Variants in ATP6V1H observed in about 807,000 individuals in gnomAD.
ATP6V1H encodes V-type proton ATPase subunit H.
Under a neutral mutation model 71.7 loss-of-function variants are expected in ATP6V1H, and 39 were observed. The observed-to-expected ratio is 0.54, with a 90% CI of 0.42 to 0.71. The LOEUF is 0.71. Ranked by LOEUF, ATP6V1H falls within the 30% of genes least tolerant of loss-of-function variation. The pLI, the probability that ATP6V1H is intolerant of heterozygous loss-of-function variation, is 0.00. For missense variants in ATP6V1H, 509 were observed against 594.9 expected (o/e 0.86, Z 1.50); for synonymous variants, 192 against 199.3 (o/e 0.96, Z 0.31).
chr8:53,771,447 T>C lies in ATP6V1H; in HGVS notation c.1049+542A>G, dbSNP rs147028555. Among the ~76,000 whole-genome samples, 337 of 151,816 alleles carry C rather than the reference T, an allele frequency of 2.2e-3. 2 individuals carry two copies. Among genetic ancestry groups the C allele is most frequent in the African/African-American group, 7.9e-3 (326 of 41,386 alleles). The stretch of plus-strand genomic sequence containing the variant: ...GTTGTAGGGGGCAGGCAGAGAGGGG[T>C]TAGAAGGCTTTTTGGAAGCAAACAC... On this transcript the variant is annotated intron_variant, in intron 10 of 13. Coordinates refer to ENST00000359530, the MANE Select transcript of ATP6V1H (RefSeq NM_015941.4).
At position 53,810,470 on chromosome 8, in the gene ATP6V1H, G is replaced by A. The variant is rs1810238046; in HGVS notation, c.579+694C>T. On this transcript the variant is annotated intron_variant, in intron 7 of 13. Coordinates refer to ENST00000359530, the MANE Select transcript of ATP6V1H (RefSeq NM_015941.4). ...AAAATGTGGAAAGAAGGCCTGGCGT[G>A]GTGGCTCATGCCTGTAATCCCAGCA... Among the ~76,000 whole-genome samples the A allele has an allele frequency of 3.9e-5, 6 of 152,186 alleles. No homozygotes were observed. The South Asian group carries it at 1.2e-3, about 31-fold the overall frequency.
intron 12 of ATP6V1H, among the ~76,000 whole-genome samples, chr8:53,747,899 C>T (rs1807662981): frequency 6.6e-6 from 1 of 151,228 alleles, no homozygotes; most frequent in Non-Finnish European, 1.5e-5. Flanking sequence ...GATTACAGAG[C>T]TCACGCCTGT....
intron 13 of ATP6V1H, among the ~76,000 whole-genome samples, chr8:53,737,574 G>A (rs1164177879): frequency 6.6e-6 from 1 of 152,200 alleles, no homozygotes; most frequent in Admixed American, 6.5e-5. Context: ...AGTGTGAGAG[G>A]TGCCTCTAGG....
At chr8:53,836,401 T>A (rs1811161729) in intron 2 of ATP6V1H, among the ~76,000 whole-genome samples, 1 of 152,214 alleles carries the variant, frequency 6.6e-6, no homozygotes. Context: ...GTCTAGCCAC[T>A]CCCTAACCTT....
intron 11 of ATP6V1H, among the ~76,000 whole-genome samples, chr8:53,762,259 C>T (rs1297768209): frequency 2.1e-5 from 3 of 143,546 alleles, no homozygotes; most frequent in Middle Eastern, 7.2e-3. Context: ...TCTATAGGAA[C>T]ACTAAAAAAA....
At chr8:53,820,296 A>AAAGAAGAAG (rs765848283) in intron 4 of ATP6V1H, among the ~76,000 whole-genome samples, 5 of 151,894 alleles carry the variant, frequency 3.3e-5, no homozygotes, top group Admixed American at 3.3e-4. Flanking sequence ...GTTTAAAAAA[A>AAAGAAGAAG]AAGAAGAAGA....
chr8:53,773,527 T>C (rs1009593447), intron 9 of ATP6V1H, among the ~76,000 whole-genome samples: 2 of 152,172 alleles, frequency 1.3e-5, no homozygotes, highest in Non-Finnish European at 2.9e-5. Context: ...TTCCTGTCAC[T>C]GCAATTTTTA....
chr8:53,842,429 C>A (rs1286961237), intron 1 of ATP6V1H: 1 of 152,208 alleles, frequency 6.6e-6, no homozygotes, highest in African/African-American at 2.4e-5. Context: ...CTGATTTTAA[C>A]ACAAAGCAAA....
chr8:53,763,220 A>G (rs1808340241), intron 11 of ATP6V1H, among the ~76,000 whole-genome samples: 2 of 152,224 alleles, frequency 1.3e-5, no homozygotes, highest in Non-Finnish European at 2.9e-5. Context: ...AACAGCAGAC[A>G]GAAGATGCAA....
intron 4 of ATP6V1H, among the ~76,000 whole-genome samples, chr8:53,822,862 A>T (rs1469904931): frequency 6.6e-6 from 1 of 152,198 alleles, no homozygotes; most frequent in Non-Finnish European, 1.5e-5. Flanking sequence ...TTAAAGTATA[A>T]TTTAAGCCAA....
intron 7 of ATP6V1H, among the ~76,000 whole-genome samples, chr8:53,807,801 T>C (rs1810135177): frequency 6.6e-6 from 1 of 152,352 alleles, no homozygotes; most frequent in East Asian, 1.9e-4. Context: ...TTTTATAGCA[T>C]GTGAAATATA....
intron 10 of ATP6V1H, among the ~76,000 whole-genome samples, chr8:53,771,186 CT>C (rs1182799206): frequency 2.8e-4 from 43 of 152,298 alleles, no homozygotes; most frequent in Admixed American, 1.7e-3. Context: ...AGTCAAGACA[CT>C]TGTGCAAGGC....
chr8:53,748,163 CAA>C (rs1183224342), intron 12 of ATP6V1H, among the ~76,000 whole-genome samples: 1 of 141,764 alleles, frequency 7.1e-6, no homozygotes, highest in Admixed American at 7.0e-5. Flanking sequence ...ATCTCAAAAA[CAA>C]AAAAAAAAGT....
Position 53,829,483 on chromosome 8 carries a change from G to T in ATP6V1H, c.267C>A (p.Thr89=). The stretch of plus-strand genomic sequence containing the variant: ...CCACCATAGTTAGTATATACTGAAC[G>T]GTCTGTTCTTTGCAGATATGAGTCA... ...NLMTHICKEQ[T]VQYILTMVDD... is the part of the protein sequence containing the mutation. Residue 89 remains threonine (T), a synonymous_variant, in exon 4 of 14, where the codon ACC becomes ACA. Coordinates refer to ENST00000359530, the MANE Select transcript of ATP6V1H (RefSeq NM_015941.4). 1 of 1,603,518 alleles carries T rather than the reference G, an allele frequency of 6.2e-7. No individual in the cohort carries two copies. The highest frequency in any genetic ancestry group is 1.1e-5 in the South Asian group (1 of 88,886).
chr8:53,724,910 T>C (rs942144554), intron 13 of ATP6V1H, among the ~76,000 whole-genome samples: 4 of 151,224 alleles, frequency 2.6e-5, no homozygotes, highest in African/African-American at 9.7e-5. Context: ...TTAAAGCCAG[T>C]GTATATGTGA....
intron 13 of ATP6V1H, among the ~76,000 whole-genome samples, chr8:53,720,353 T>C (rs1806571647): frequency 6.6e-6 from 1 of 152,184 alleles, no homozygotes; most frequent in African/African-American, 2.4e-5. Flanking sequence ...ATCATACTGC[T>C]GCAAAAGAGT....
intron 11 of ATP6V1H, among the ~76,000 whole-genome samples, chr8:53,767,079 T>C (rs573669756): frequency 1.4e-3 from 213 of 152,316 alleles, no homozygotes; most frequent in Non-Finnish European, 2.2e-3. Flanking sequence ...CTTCCCCGGA[T>C]GCCCAGCTTT....
chr8:53,756,334 G>A (rs1053215647), intron 12 of ATP6V1H: 16 of 303,540 alleles, frequency 5.3e-5, no homozygotes, highest in Admixed American at 2.0e-4. Flanking sequence ...TGCCTGCCTC[G>A]GCCTCCCAAA....
chr8:53,729,443 C>T (rs574022850), intron 13 of ATP6V1H, among the ~76,000 whole-genome samples: 2 of 152,096 alleles, frequency 1.3e-5, no homozygotes, highest in African/African-American at 4.8e-5. Flanking sequence ...AGCCAGTCCC[C>T]CAACGTGCAA....
Sources: gnomAD v4.1 joint callset for allele counts (sites outside exome capture counted in the v4.1 genomes callset) on GRCh38, gnomAD v4.1.1 for gene constraint, MANE v1.5 for transcripts, NCBI Gene and HGNC (gene_info 2026-07-23, HGNC 2026-07-21) for gene names.